The following NOS1AP variants were observed in gnomAD, a reference collection of about 807,000 sequenced individuals.
NOS1AP encodes the protein nitric oxide synthase 1 adaptor protein, also known as carboxyl-terminal PDZ ligand of neuronal nitric oxide synthase protein.
A neutral mutation model predicts 56.2 loss-of-function variants in NOS1AP; 21 were observed. That is an observed-to-expected ratio of 0.37 (90% CI 0.26 to 0.54). The LOEUF (loss-of-function observed/expected upper bound fraction) is 0.54, where lower values mean the gene tolerates loss of function less well. Ranked by LOEUF, NOS1AP falls within the 20% of genes least tolerant of loss-of-function variation. The pLI is 0.84. For synonymous variants in NOS1AP, 270 were observed against 274.6 expected, an observed-to-expected ratio of 0.98 and a Z score of 0.17; for missense variants, 522 against 657.8, an observed-to-expected ratio of 0.79 and a Z score of 2.26.
intron 3 of NOS1AP, among the ~76,000 whole-genome samples, chr1:162,294,184 GAAGGAAGGAAGT>G (rs879930677): frequency 0.034 from 1,244 of 36,324 alleles, 52 homozygotes; most frequent in East Asian, 0.28. Context: ...AGGAAGGAAG[GAAGGAAGGAAGT>G]AAGGAAGGAA....
chr1:162,118,280 G>A (rs962125196), intron 1 of NOS1AP, among the ~76,000 whole-genome samples: 9 of 152,152 alleles, frequency 5.9e-5, no homozygotes, highest in African/African-American at 2.2e-4. Flanking sequence ...GTGGTCCCCA[G>A]TGTCTGTCGT....
chr1:162,177,594 T>G (rs1389348946), intron 2 of NOS1AP, among the ~76,000 whole-genome samples: 1 of 152,250 alleles, frequency 6.6e-6, no homozygotes, highest in Non-Finnish European at 1.5e-5. Context: ...TGAGTTTGCC[T>G]ACTCTTTTTA....
At chr1:162,206,018 T>C (rs1219188125) in intron 2 of NOS1AP, among the ~76,000 whole-genome samples, 2 of 152,142 alleles carry the variant, frequency 1.3e-5, no homozygotes, top group Admixed American at 6.5e-5. Context: ...ATGAAGACCA[T>C]TTTGTGAGGG....
At chr1:162,352,205 A>G (rs529623693) in intron 6 of NOS1AP, among the ~76,000 whole-genome samples, 9 of 151,700 alleles carry the variant, frequency 5.9e-5, no homozygotes, top group South Asian at 4.2e-4. Context: ...GATTACAGGC[A>G]TGTACCACCA....
chr1:162,176,907 A>G (rs1265623866), intron 2 of NOS1AP, among the ~76,000 whole-genome samples: 2 of 152,218 alleles, frequency 1.3e-5, no homozygotes, highest in Non-Finnish European at 2.9e-5. Flanking sequence ...TTACGAATAA[A>G]GCTGCTATAG....
intron 2 of NOS1AP, among the ~76,000 whole-genome samples, chr1:162,162,675 T>A (rs4657159): frequency 0.99 from 150,182 of 152,346 alleles, 74,059 homozygotes; most frequent in East Asian, 1. Flanking sequence ...TTGGTTACAT[T>A]ATTTGTGTTT....
chr1:162,140,937 T>C (rs569863878), intron 1 of NOS1AP, among the ~76,000 whole-genome samples: 1 of 152,340 alleles, frequency 6.6e-6, no homozygotes, highest in South Asian at 2.1e-4. Flanking sequence ...GTATGTCTTC[T>C]TTTGAGAAGT....
intron 1 of NOS1AP, among the ~76,000 whole-genome samples, chr1:162,096,244 T>C (rs751417608): frequency 6.6e-6 from 1 of 152,198 alleles, no homozygotes; most frequent in Non-Finnish European, 1.5e-5. Context: ...GGGCATCTGC[T>C]TCTGTTCAGA....
intron 4 of NOS1AP, among the ~76,000 whole-genome samples, chr1:162,304,808 GTGTA>G (rs1056371132): frequency 6.6e-6 from 1 of 151,446 alleles, no homozygotes; most frequent in African/African-American, 2.4e-5. Context: ...GTGTGTGTGT[GTGTA>G]TGAGGACTTT....
rs896459716 is a variant in NOS1AP, at chr1:162,335,285, G to A, written c.453+2160G>A. Among the ~76,000 whole-genome samples the A allele has an allele frequency of 3.3e-5, 5 of 152,214 alleles. 1 individual carries two copies. Among genetic ancestry groups the A allele is most frequent in the Admixed American group, 2.6e-4 (4 of 15,280 alleles). Reference sequence around the variant, plus strand: ...TTTCCTGGCCTGGAGCCATGCAGCTGAGGGGATTGTTTCCAGTCAGCCTGG... The same window carrying A: ...TTTCCTGGCCTGGAGCCATGCAGCTAAGGGGATTGTTTCCAGTCAGCCTGG... On this transcript the variant is annotated intron_variant, in intron 5 of 9. Transcript: ENST00000361897.
chr1:162,306,508 C>T (rs773554883), intron 4 of NOS1AP, among the ~76,000 whole-genome samples: 1 of 152,120 alleles, frequency 6.6e-6, no homozygotes, highest in Non-Finnish European at 1.5e-5. Context: ...TGTGGGCAAC[C>T]GTAAAATAGG....
At chr1:162,284,270 T>C (rs746351490) in intron 2 of NOS1AP, among the ~76,000 whole-genome samples, 1 of 152,268 alleles carries the variant, frequency 6.6e-6, no homozygotes, top group African/African-American at 2.4e-5. Flanking sequence ...CATTTTCAGA[T>C]ACTTGATTTC....
chr1:162,341,713 C>T (rs1657112771), intron 5 of NOS1AP, among the ~76,000 whole-genome samples: 1 of 152,152 alleles, frequency 6.6e-6, no homozygotes, highest in Admixed American at 6.5e-5. Context: ...AGGCAGTCTG[C>T]TCTTACTCTC....
At chr1:162,255,490 A>ATTTTTTGTTTTTTTTTTTT (rs1653997846) in intron 2 of NOS1AP, among the ~76,000 whole-genome samples, 1 of 60,974 alleles carries the variant, frequency 1.6e-5, no homozygotes, top group Non-Finnish European at 3.5e-5. Flanking sequence ...GCTGCTGCTG[A>ATTTTTTGTTTTTTTTTTTT]TTTTTTTTTT....
At chr1:162,231,330 C>T (rs8179404) in intron 2 of NOS1AP, among the ~76,000 whole-genome samples, 117,042 of 152,108 alleles carry the variant, frequency 0.77, 45,467 homozygotes, top group East Asian at 0.87. Flanking sequence ...TTAAAATTGG[C>T]TTATTTGGCT....
Position 162,369,083 on chromosome 1 carries a change from T to TG in NOS1AP, c.*1616_*1617insG, listed in dbSNP as rs1557897832. ...ATCAGGTGGTGTGTGTGTGTGTGTT[T>TG]TGTGTGTGTGTGTACACATGTGTTT... On this transcript the variant is annotated 3_prime_UTR_variant, in exon 10 of 10. Transcript: ENST00000361897. The TG allele has an allele frequency of 3.3e-5, 5 of 151,754 alleles. No homozygotes were observed. The highest frequency in any genetic ancestry group is 1.2e-4 in the African/African-American group (5 of 41,262). 9.4% of individuals were successfully genotyped at this position (151,754 alleles called of 1,614,324 possible).
chr1:162,269,570 A>G (rs756824238), intron 2 of NOS1AP, among the ~76,000 whole-genome samples: 7 of 152,246 alleles, frequency 4.6e-5, no homozygotes, highest in Non-Finnish European at 1.0e-4. Context: ...AAAGGAACTC[A>G]GTTCATTTTT....
At chr1:162,248,684 C>CAG (rs1653752496) in intron 2 of NOS1AP, among the ~76,000 whole-genome samples, 1 of 152,152 alleles carries the variant, frequency 6.6e-6, no homozygotes, top group Admixed American at 6.5e-5. Flanking sequence ...TCCTAATTGA[C>CAG]AGGGTCCTCC....
chr1:162,250,550 G>T (rs1441836522), intron 2 of NOS1AP, among the ~76,000 whole-genome samples: 1 of 13,478 alleles, frequency 7.4e-5, no homozygotes, highest in Non-Finnish European at 2.2e-4. Context: ...CTCCTCAGAG[G>T]AGTGGGAAAG....
Sources: allele counts gnomAD v4.1 joint callset (sites outside exome capture counted in the v4.1 genomes callset), GRCh38; gene constraint gnomAD v4.1.1; transcripts MANE v1.5; gene names NCBI Gene and HGNC (gene_info 2026-07-23, HGNC 2026-07-21).